Variants in AKAP17A observed in about 807,000 individuals in gnomAD.
AKAP17A encodes A-kinase anchor protein 17A.
In AKAP17A, 15 loss-of-function variants were observed where a neutral mutation model predicts 52.2. That is an observed-to-expected ratio of 0.29 (90% confidence interval 0.19 to 0.44). The LOEUF (loss-of-function observed/expected upper bound fraction) is 0.44. Among genes scored for constraint, AKAP17A ranks in the 20% least tolerant of loss-of-function variants. AKAP17A has a pLI of 1.00. For missense variants in AKAP17A, 1,060 were observed against 1,007.0 expected (o/e 1.05, Z -0.71); for synonymous variants, 514 against 424.7 (o/e 1.21, Z -2.58).
At position 1,601,266 on chromosome X, in the gene AKAP17A, G is replaced by A. The variant is rs757205201; in HGVS notation, c.1760G>A (p.Arg587Gln). The change falls in exon 5 of 5, where the codon CGG becomes CAG. Residue 587 changes from arginine to glutamine, a missense_variant. By Grantham distance (43) the Arg-to-Gln change is conservative (BLOSUM62 1). Coordinates refer to ENST00000313871, the MANE Select transcript of AKAP17A (RefSeq NM_005088.3). ...TGCAACCGGGAGCCCAGCAAGGGCC[G>A]GGGCCGGGCCACCGGAGACGGGCTT... The part of the protein sequence containing the change: ...DKCNREPSKG[R>Q]GRATGDGLAD... 3.3e-5 allele frequency: 54 copies of A among 1,612,986 alleles called. No homozygotes were observed. Among genetic ancestry groups the A allele is most frequent in the Admixed American group, 2.5e-4 (15 of 60,006 alleles).
chrX:1,600,526 G>T (rs748079720), intron 4 of AKAP17A, 133 bp from the exon 5 acceptor site: 2 of 951,166 alleles, frequency 2.1e-6, no homozygotes, highest in Non-Finnish European at 3.0e-6. Flanking sequence ...CCCACCCCTG[G>T]GCTGGAGTCC....
In AKAP17A at chrX:1,597,413, G is replaced by A. The variant is rs750726496; in HGVS notation, c.912-1779G>A. On this transcript the variant is annotated intron_variant, in intron 3 of 4. Transcript: ENST00000313871. ...GCACAGAGAGGCAGACGCCCTGGGA[G>A]GGAGGGACATGCTGCTGCGTCGCCA... is the stretch of plus-strand genomic sequence containing the variant. Among the ~76,000 whole-genome samples the A allele has an allele frequency of 9.2e-5, 14 of 152,316 alleles. No homozygotes were observed. In the South Asian group the frequency reaches 2.7e-3, roughly 29 times the overall value.
Position 1,593,378 on chromosome X carries a change from G to A in AKAP17A, c.-19-66G>A, listed in dbSNP as rs1445658564. On this transcript the variant is annotated intron_variant, in intron 1 of 4. Transcript: ENST00000313871. ...GGGTCCAGAAAGTGCCTGCTGGCTT[G>A]GCCCCTCCTCATTGGCGGGGGAGGT... The A allele has an allele frequency of 1.7e-5, 26 of 1,501,364 alleles. 1 individual carries two copies. The South Asian group carries it at 2.6e-4, about 15-fold the overall frequency. 93.0% of individuals were successfully genotyped at this position (1,501,364 alleles called of 1,614,324 possible). A position where few individuals can be genotyped will look rare whatever the true frequency, so the allele number is the denominator to read the frequency against.
rs1400073329 is a variant in AKAP17A at position 1,601,631 on chromosome X, G to A, written c.*37G>A. 7.2e-6 allele frequency: 10 copies of A among 1,384,048 alleles called. No individual in the cohort carries two copies. The East Asian group carries it at 2.8e-4, about 39-fold the overall frequency. The allele number at this position is 1,384,048 out of a possible 1,614,324, so 85.7% of individuals were successfully genotyped here. The stretch of plus-strand genomic sequence containing the variant: ...GCCTCCCCACGGCCTGTCCGGGAAA[G>A]ACCAGGACCTGCTCGAGCCTCCTGG... On this transcript the variant is annotated 3_prime_UTR_variant, in exon 5 of 5. Transcript: ENST00000313871.
At chrX:1,596,302 G>T (rs1469088170) in intron 3 of AKAP17A, among the ~76,000 whole-genome samples, 8 of 151,476 alleles carry the variant, frequency 5.3e-5, no homozygotes, top group African/African-American at 1.9e-4. Flanking sequence ...TAAAGCAATT[G>T]CCTGGGTCGT....
intron 2 of AKAP17A, among the ~76,000 whole-genome samples, chrX:1,595,120 C>G (rs188766860): frequency 6.6e-6 from 1 of 152,166 alleles, no homozygotes; most frequent in East Asian, 1.9e-4. Context: ...CAGTAAGTGG[C>G]GAGGGCTAGT....
In AKAP17A at chrX:1,601,956, T is replaced by G; in HGVS notation, c.*362T>G. 4.1e-6 allele frequency: 1 copy of G among 244,194 alleles called. No homozygotes were observed. Among genetic ancestry groups the G allele is most frequent in the East Asian group, 7.4e-5 (1 of 13,452 alleles). 15.1% of individuals were successfully genotyped at this position (244,194 alleles called of 1,614,324 possible). On this transcript the variant is annotated 3_prime_UTR_variant, in exon 5 of 5. Transcript: ENST00000313871. ...GGATTTCTGTGTCTGCTTGGCGACCTCCCTGCGTGCACGGCCTAGGAGGTG... is the reference window on the plus strand; with the variant it reads ...GGATTTCTGTGTCTGCTTGGCGACCGCCCTGCGTGCACGGCCTAGGAGGTG...
Position 1,601,116 on chromosome X carries a change from C to T in AKAP17A, c.1610C>T (p.Ser537Phe), listed in dbSNP as rs745855513. 3.1e-6 allele frequency: 5 copies of T among 1,613,780 alleles called. No individual in the cohort carries two copies. In the East Asian group the frequency reaches 8.9e-5, roughly 29 times the overall value. ...TGTCGTGTGGTCCCCGAGGATGGCT[C>T]TCCAGAGAAGAGGTGCCCGGGCGGC... ...SSCRVVPEDGSPEKRCPGGVL... is the reference protein window; with the variant it reads ...SSCRVVPEDGFPEKRCPGGVL... The change falls in exon 5 of 5, where the codon TCT becomes TTT. Residue 537 changes from serine to phenylalanine, a missense_variant. By Grantham distance (155) the Ser-to-Phe change is radical. Transcript: ENST00000313871.
chrX:1,601,525 C>T lies in AKAP17A; in HGVS notation c.2019C>T (p.Arg673=), dbSNP rs1933384495. Residue 673 remains arginine, a synonymous_variant, in exon 5 of 5, where the codon CGC becomes CGT. Coordinates refer to ENST00000313871, the MANE Select transcript of AKAP17A (RefSeq NM_005088.3). The part of the protein sequence containing the change: ...RRGSASRKHS[R]HRRRSERSRS... The stretch of plus-strand genomic sequence containing the variant: ...GCAGCGCCAGCAGGAAGCACAGCCG[C>T]CACCGCCGCCGAAGCGAGCGGTCGC... 3 of 1,494,408 alleles carry T rather than the reference C, an allele frequency of 2.0e-6. No homozygotes were observed. The highest frequency in any genetic ancestry group is 2.6e-6 in the Non-Finnish European group (3 of 1,132,178). The allele number at this position is 1,494,408 out of a possible 1,614,324, so 92.6% of individuals were successfully genotyped here.
chrX:1,595,273 G>A (rs1603460056), intron 2 of AKAP17A, 111 bp from the exon 3 acceptor site: 10 of 1,415,626 alleles, frequency 7.1e-6, no homozygotes, highest in South Asian at 5.3e-5. Flanking sequence ...AGCGGTGAGC[G>A]GGCGCTCAGG....
chrX:1,599,744 A>G, intron 4 of AKAP17A: 2 of 617,452 alleles, frequency 3.2e-6, no homozygotes, highest in South Asian at 3.9e-5. Context: ...GCAGTGGCAG[A>G]GAGTGCAGGG....
rs745455925 is a variant in AKAP17A, at chrX:1,601,471, C to G, written c.1965C>G (p.His655Gln). The G allele has an allele frequency of 3.8e-6, 6 of 1,570,720 alleles. No homozygotes were observed. Among genetic ancestry groups the G allele is most frequent in the Non-Finnish European group, 4.3e-6 (5 of 1,166,416 alleles). ...RSRRSHSKDR[H>Q]RRERSRERRG... ...GGAGGTCCCACAGCAAAGACAGGCA[C>G]CGGAGGGAGCGGAGCCGGGAGCGGA... The change falls in exon 5 of 5, where the codon CAC becomes CAG. Residue 655 changes from histidine to glutamine, a missense_variant. Around this residue, in one of 2 missense-constraint regions of AKAP17A, gnomAD observed 793 missense variants for 629.9 expected, o/e 1.26. Transcript: ENST00000313871.
chrX:1,593,174 G>A lies in AKAP17A; in HGVS notation c.-19-270G>A, dbSNP rs181738272. Reference sequence around the variant, plus strand: ...TGGGAGCTGCTGGCTGCTGGATGTAGGGTGTCGGGCAGTGCTGACCGAGGC... The same window carrying A: ...TGGGAGCTGCTGGCTGCTGGATGTAAGGTGTCGGGCAGTGCTGACCGAGGC... On this transcript the variant is annotated intron_variant, in intron 1 of 4. Coordinates refer to ENST00000313871, the MANE Select transcript of AKAP17A (RefSeq NM_005088.3). 2.6e-3 allele frequency among the ~76,000 whole-genome samples: 402 copies of A among 152,256 alleles called. 6 individuals carry two copies. Among genetic ancestry groups the A allele is most frequent in the Non-Finnish European group, 4.4e-3 (296 of 68,010 alleles).
chrX:1,596,223 A>AT (rs1200797717), intron 3 of AKAP17A, among the ~76,000 whole-genome samples: 10 of 71,688 alleles, frequency 1.4e-4, no homozygotes, highest in South Asian at 1.2e-3. Flanking sequence ...TGATGGCCAG[A>AT]TTTAAAAAAA....
In AKAP17A at chrX:1,601,307, C is replaced by T. The variant is rs200888903; in HGVS notation, c.1801C>T (p.Arg601Trp). Residue 601 changes from arginine to tryptophan, a missense_variant, in exon 5 of 5, where the codon CGG (arginine) becomes TGG (tryptophan). Physicochemically the swap from Arg to Trp is moderately radical, Grantham distance 101 (BLOSUM62 -3). Around this residue, in one of 2 missense-constraint regions of AKAP17A, gnomAD observed 793 missense variants for 629.9 expected, o/e 1.26. Transcript: ENST00000313871. ...AGACGGGCTTGCTGACCGGCACAAG[C>T]GGGAGAGGAGCCGGGCCAGGCGGGC... ...TGDGLADRHK[R>W]ERSRARRASS... is the part of the protein sequence containing the mutation. 29 of 1,607,646 alleles carry T rather than the reference C, an allele frequency of 1.8e-5. No homozygotes were observed. The highest frequency in any genetic ancestry group is 5.0e-5 in the Admixed American group (3 of 59,576).
At chrX:1,592,733 C>A (rs1426770870) in intron 1 of AKAP17A, among the ~76,000 whole-genome samples, 2 of 152,036 alleles carry the variant, frequency 1.3e-5, no homozygotes, top group African/African-American at 4.8e-5. Flanking sequence ...TGGACTTGGC[C>A]GTCAGGAAGT....
At position 1,600,880 on chromosome X, in the gene AKAP17A, G is replaced by A. The variant is rs1209080851; in HGVS notation, c.1374G>A (p.Val458=). Residue 458 remains valine, a synonymous_variant, in exon 5 of 5, where the codon GTG becomes GTA. Transcript: ENST00000313871. ...GCCACACACACGACGAGCTGGGCGT[G>A]GCACACGCCGACCTGCTGCAGCCCG... ...DDSHTHDELG[V]AHADLLQPVL... is the part of the protein sequence containing the mutation. 2 of 1,582,416 alleles carry A rather than the reference G, an allele frequency of 1.3e-6. No individual in the cohort carries two copies. Among genetic ancestry groups the A allele is most frequent in the East Asian group, 2.3e-5 (1 of 43,692 alleles).
intron 3 of AKAP17A, among the ~76,000 whole-genome samples, chrX:1,597,275 C>G (rs1349186705): frequency 1.3e-5 from 2 of 152,198 alleles, no homozygotes; most frequent in African/African-American, 2.4e-5. Context: ...GCCTCTGAAT[C>G]TGAACCCCGA....
chrX:1,594,683 A>G (rs1187462849), intron 2 of AKAP17A, among the ~76,000 whole-genome samples: 143 of 151,592 alleles, frequency 9.4e-4, no homozygotes, highest in African/African-American at 3.2e-3. Context: ...CAGTGGCGCA[A>G]TCTTTGCTCA....
Sources: gnomAD v4.1 joint callset for allele counts (sites outside exome capture counted in the v4.1 genomes callset) on GRCh38, gnomAD v4.1.1 for gene constraint, gnomAD v4.1.1 regional missense constraint, MANE v1.5 for transcripts, NCBI Gene and HGNC (gene_info 2026-07-23, HGNC 2026-07-21) for gene names.